Variants in MYO3A observed in about 807,000 individuals in gnomAD.
MYO3A encodes myosin IIIA, also known as myosin-IIIa.
MYO3A carries 180 observed loss-of-function variants against 192.7 expected under a neutral mutation model. The observed-to-expected ratio is 0.93, with a 90% CI of 0.83 to 1.06. The LOEUF (loss-of-function observed/expected upper bound fraction) is 1.06. MYO3A is among the 50% of genes least tolerant of loss of function. MYO3A has a pLI of 0.00. For missense variants in MYO3A, 1,896 were observed against 1,905.0 expected (o/e 1.00, Z 0.09); for synonymous variants, 628 against 645.3 (o/e 0.97, Z 0.41).
chr10:26,022,003 C>G, intron 8 of MYO3A: 1 of 179,396 alleles, frequency 5.6e-6, no homozygotes, highest in Non-Finnish European at 1.2e-5. Flanking sequence ...ACCTACCAAT[C>G]TAGTAATTTT....
chr10:25,990,741 T>C (rs1378390659), intron 4 of MYO3A, among the ~76,000 whole-genome samples: 2 of 146,720 alleles, frequency 1.4e-5, no homozygotes, highest in Admixed American at 1.4e-4. Flanking sequence ...AATTCTTACC[T>C]GTGAGTGAGA....
At chr10:26,101,621 G>C (rs898794017) in intron 17 of MYO3A, among the ~76,000 whole-genome samples, 7 of 152,148 alleles carry the variant, frequency 4.6e-5, no homozygotes, top group Admixed American at 2.6e-4. Context: ...GCATTTGCTT[G>C]TCTGTAAAGG....
At chr10:26,176,622 C>A in intron 30 of MYO3A, 79 bp from the exon 31 acceptor site, 5 of 1,306,920 alleles carry the variant, frequency 3.8e-6, no homozygotes, top group Non-Finnish European at 5.4e-6. Flanking sequence ...GCTGGTAAGG[C>A]GTTTCCCAGC....
intron 33 of MYO3A, among the ~76,000 whole-genome samples, chr10:26,201,677 G>A (rs1460596490): frequency 2.7e-5 from 4 of 146,000 alleles, no homozygotes; most frequent in South Asian, 2.1e-4. Flanking sequence ...TCGACTGGGC[G>A]AGACTCCGTC....
intron 4 of MYO3A, among the ~76,000 whole-genome samples, chr10:25,988,414 G>A (rs11814511): frequency 0.025 from 3,872 of 152,124 alleles, 188 homozygotes; most frequent in African/African-American, 0.087. Flanking sequence ...TGGCTTTAAT[G>A]AAACACCTCA....
At chr10:26,201,522 T>C (rs1026832394) in intron 33 of MYO3A, among the ~76,000 whole-genome samples, 13 of 147,750 alleles carry the variant, frequency 8.8e-5, no homozygotes, top group African/African-American at 3.3e-4. Flanking sequence ...CTACTAAAAA[T>C]ACAAAAAAAA....
At chr10:25,995,853 TTCC>T (rs1840398021) in intron 4 of MYO3A, among the ~76,000 whole-genome samples, 1 of 152,228 alleles carries the variant, frequency 6.6e-6, no homozygotes, top group Non-Finnish European at 1.5e-5. Context: ...TGTCTGATCG[TTCC>T]TCTGGAGGTT....
chr10:26,068,695 ATT>A, intron 11 of MYO3A, 71 bp from the exon 12 acceptor site: 3 of 984,868 alleles, frequency 3.0e-6, no homozygotes, highest in South Asian at 1.3e-5. Flanking sequence ...TCTGTTTATT[ATT>A]GTTTACTTTT....
At chr10:26,172,229 G>C (rs1842084577) in intron 29 of MYO3A, among the ~76,000 whole-genome samples, 2 of 152,226 alleles carry the variant, frequency 1.3e-5, no homozygotes, top group Non-Finnish European at 2.9e-5. Flanking sequence ...TTTTCCCTCA[G>C]CTACCTGAAG....
rs567786827 is a variant in MYO3A, at chr10:26,170,714, T to C, written c.3398+175T>C. 5.3e-5 allele frequency among the ~76,000 whole-genome samples: 8 copies of C among 152,344 alleles called. No individual in the cohort carries two copies. In the East Asian group the frequency reaches 1.2e-3, roughly 22 times the overall value. ...TGTTCTCTATCCTATTTTGGAGTTA[T>C]TTCTCAAATGTTTTCTTCCTTGGCT... On this transcript the variant is annotated intron_variant, in intron 29 of 34. Coordinates refer to ENST00000642920, the MANE Select transcript of MYO3A (RefSeq NM_017433.5).
At chr10:26,085,203 A>G (rs986839835) in intron 14 of MYO3A, among the ~76,000 whole-genome samples, 1 of 148,682 alleles carries the variant, frequency 6.7e-6, no homozygotes, top group Admixed American at 6.6e-5. Context: ...CAAAAATGAA[A>G]CTCATTTTAT....
At chr10:26,107,911 T>C (rs1000307894) in intron 17 of MYO3A, among the ~76,000 whole-genome samples, 7 of 152,162 alleles carry the variant, frequency 4.6e-5, no homozygotes, top group Middle Eastern at 3.2e-3. Context: ...TTTTTATATT[T>C]TTATTAATTT....
At chr10:25,996,128 C>T (rs886555974) in intron 4 of MYO3A, among the ~76,000 whole-genome samples, 5 of 152,246 alleles carry the variant, frequency 3.3e-5, no homozygotes, top group African/African-American at 1.2e-4. Context: ...AGGCAGGCCT[C>T]CTTGAGCTGT....
intron 34 of MYO3A, among the ~76,000 whole-genome samples, chr10:26,203,377 C>T (rs1027444885): frequency 2.6e-5 from 4 of 152,226 alleles, no homozygotes; most frequent in Non-Finnish European, 4.4e-5. Context: ...AAAAGTACTT[C>T]AGTTTGGATG....
intron 25 of MYO3A, among the ~76,000 whole-genome samples, chr10:26,155,936 G>A (rs889973608): frequency 1.3e-5 from 2 of 152,196 alleles, no homozygotes; most frequent in Non-Finnish European, 2.9e-5. Context: ...TCAGGCTGAA[G>A]TGAGAAATGA....
intron 17 of MYO3A, among the ~76,000 whole-genome samples, chr10:26,109,199 G>A (rs777232672): frequency 5.3e-5 from 8 of 152,130 alleles, no homozygotes; most frequent in Non-Finnish European, 1.0e-4. Context: ...TAAGAAATGA[G>A]AAATAAAAAT....
Position 26,193,196 on chromosome 10 carries a change from T to G in MYO3A, c.4439-9T>G. The G allele has an allele frequency of 6.3e-7, 1 of 1,589,636 alleles. No individual in the cohort carries two copies. The highest frequency in any genetic ancestry group is 8.6e-7 in the Non-Finnish European group (1 of 1,157,924). ...ATTAAATACTTGTTTATGATCACCT[T>G]TCTTATAGGTGTCTGTAAAGGAGAG... On this transcript the variant is annotated splice_polypyrimidine_tract_variant and intron_variant, in intron 31 of 34. Transcript: ENST00000642920.
chr10:26,020,330 G>C (rs1842238485), intron 7 of MYO3A, among the ~76,000 whole-genome samples: 1 of 152,084 alleles, frequency 6.6e-6, no homozygotes. Context: ...ACTGTTTCCT[G>C]TCATTGCCAT....
At chr10:26,028,956 G>T (rs10828940) in intron 10 of MYO3A, among the ~76,000 whole-genome samples, 105,080 of 152,026 alleles carry the variant, frequency 0.69, 36,476 homozygotes, top group Middle Eastern at 0.76. Flanking sequence ...GGAAACATTA[G>T]CTTTACCATC....
Sources: allele counts gnomAD v4.1 joint callset (sites outside exome capture counted in the v4.1 genomes callset), GRCh38; gene constraint gnomAD v4.1.1; transcripts MANE v1.5; gene names NCBI Gene and HGNC (gene_info 2026-07-23, HGNC 2026-07-21).